Variants in CDH18 observed in about 807,000 individuals in gnomAD.
CDH18 encodes the protein cadherin 18.
A neutral mutation model predicts 67.9 loss-of-function variants in CDH18; 31 were observed. The observed-to-expected ratio is 0.46, with a 90% CI of 0.34 to 0.62. The LOEUF is 0.62. Ranked by LOEUF, CDH18 falls within the 20% of genes least tolerant of loss-of-function variation. CDH18 has a pLI of 0.01. For missense variants in CDH18, 890 were observed against 975.5 expected (o/e 0.91, Z 1.17); for synonymous variants, 362 against 347.2 (o/e 1.04, Z -0.48).
intron 5 of CDH18, among the ~76,000 whole-genome samples, chr5:19,631,804 T>C (rs1752455513): frequency 6.6e-6 from 1 of 152,152 alleles, no homozygotes; most frequent in Non-Finnish European, 1.5e-5. Flanking sequence ...TTTCCTTTAT[T>C]ATTTGGAAGG....
chr5:20,464,831 G>T (rs766486080), intron 1 of CDH18, among the ~76,000 whole-genome samples: 15 of 152,078 alleles, frequency 9.9e-5, no homozygotes, highest in Admixed American at 9.8e-4. Flanking sequence ...AAATAGCTGT[G>T]TTACTATGCA....
chr5:20,131,680 C>A (rs556631311), intron 2 of CDH18, among the ~76,000 whole-genome samples: 111 of 152,208 alleles, frequency 7.3e-4, no homozygotes, highest in African/African-American at 2.6e-3. Flanking sequence ...TTAGACTTTG[C>A]AGTTTCATTT....
At chr5:19,537,029 T>A (rs570545749) in intron 9 of CDH18, among the ~76,000 whole-genome samples, 1 of 152,338 alleles carries the variant, frequency 6.6e-6, no homozygotes, top group Admixed American at 6.5e-5. Flanking sequence ...ATGTGTGGAC[T>A]TGATTGAGCC....
chr5:19,770,784 G>C (rs1033379135), intron 3 of CDH18, among the ~76,000 whole-genome samples: 28 of 152,108 alleles, frequency 1.8e-4, no homozygotes, highest in Non-Finnish European at 3.2e-4. Context: ...CTGCCATTTT[G>C]CTGTTTTTGA....
intron 4 of CDH18, among the ~76,000 whole-genome samples, chr5:19,733,477 T>C (rs753845114): frequency 6.6e-6 from 1 of 152,158 alleles, no homozygotes; most frequent in Non-Finnish European, 1.5e-5. Flanking sequence ...TCTTCTCCGC[T>C]GAGAGCTGTT....
chr5:20,074,019 G>A (rs544963183), intron 2 of CDH18, among the ~76,000 whole-genome samples: 15 of 152,032 alleles, frequency 9.9e-5, no homozygotes, highest in South Asian at 8.3e-4. Flanking sequence ...TTTTCTTTAC[G>A]TAATCAGAAA....
chr5:20,479,611 A>G (rs909180702), intron 1 of CDH18, among the ~76,000 whole-genome samples: 1 of 152,112 alleles, frequency 6.6e-6, no homozygotes, highest in African/African-American at 2.4e-5. Flanking sequence ...AAGCATGACT[A>G]CAAGATCTAG....
chr5:20,058,245 A>G (rs1439771893), intron 2 of CDH18, among the ~76,000 whole-genome samples: 3 of 152,196 alleles, frequency 2.0e-5, no homozygotes, highest in Non-Finnish European at 4.4e-5. Context: ...AGAAACAAAT[A>G]TACAAGTCAT....
chr5:20,359,087 A>G (rs1045831216), intron 1 of CDH18, among the ~76,000 whole-genome samples: 9 of 151,948 alleles, frequency 5.9e-5, no homozygotes, highest in Non-Finnish European at 1.3e-4. Flanking sequence ...GTGTGCCACC[A>G]TGCCTAGCTA....
intron 5 of CDH18, among the ~76,000 whole-genome samples, chr5:19,694,486 CT>C: frequency 6.6e-6 from 1 of 152,106 alleles, no homozygotes; most frequent in East Asian, 1.9e-4. Flanking sequence ...TTGGACATGT[CT>C]TAAATCACAC....
At position 19,498,595 on chromosome 5, in the gene CDH18, T is replaced by A. The variant is rs1003632229; in HGVS notation, c.1630+4397A>T. ...AAAAAGTTAGTTTCGCTATCTTCCA[T>A]TGAAATTATGATTGATTTTTTAAAG... On this transcript the variant is annotated intron_variant, in intron 11 of 12. Coordinates refer to ENST00000382275, the MANE Select transcript of CDH18 (RefSeq NM_004934.5). Among the ~76,000 whole-genome samples, 25 of 152,204 alleles carry A rather than the reference T, an allele frequency of 1.6e-4. 1 individual carries two copies. Among genetic ancestry groups the A allele is most frequent in the Admixed American group, 1.4e-3 (22 of 15,272 alleles).
chr5:20,339,676 A>G (rs1370530345), intron 1 of CDH18, among the ~76,000 whole-genome samples: 2 of 152,168 alleles, frequency 1.3e-5, no homozygotes, highest in South Asian at 4.1e-4. Flanking sequence ...ATGCCCCTAG[A>G]AAAGATGCCT....
chr5:20,379,098 T>C (rs1250802603), intron 1 of CDH18, among the ~76,000 whole-genome samples: 1 of 152,114 alleles, frequency 6.6e-6, no homozygotes, highest in Non-Finnish European at 1.5e-5. Context: ...TAATTTTGAA[T>C]ATACATTCAA....
intron 11 of CDH18, among the ~76,000 whole-genome samples, chr5:19,489,189 T>G (rs1238323250): frequency 6.6e-6 from 1 of 152,142 alleles, no homozygotes; most frequent in East Asian, 1.9e-4. Flanking sequence ...ATAAATGTAC[T>G]TATTTTATAA....
chr5:20,357,188 A>G (rs1300546616), intron 1 of CDH18, among the ~76,000 whole-genome samples: 2 of 152,102 alleles, frequency 1.3e-5, no homozygotes, highest in Non-Finnish European at 2.9e-5. Flanking sequence ...ACTTAACATT[A>G]AGAAAAAAGA....
At chr5:20,522,578 T>G (rs1193517509) in intron 1 of CDH18, among the ~76,000 whole-genome samples, 1 of 152,140 alleles carries the variant, frequency 6.6e-6, no homozygotes, top group African/African-American at 2.4e-5. Flanking sequence ...GAATTTCTTT[T>G]CAGTTGAATG....
chr5:19,714,506 G>A (rs1188463129), intron 5 of CDH18, among the ~76,000 whole-genome samples: 1 of 133,424 alleles, frequency 7.5e-6, no homozygotes, highest in Non-Finnish European at 1.5e-5. Context: ...AGTAGACAAA[G>A]TGAGATTTTT....
intron 3 of CDH18, among the ~76,000 whole-genome samples, chr5:19,760,991 A>C (rs1772263137): frequency 6.6e-6 from 1 of 152,114 alleles, no homozygotes; most frequent in Non-Finnish European, 1.5e-5. Flanking sequence ...TATTCACCAG[A>C]GTTTACAAAC....
chr5:19,680,275 C>T (rs1240106318), intron 5 of CDH18, among the ~76,000 whole-genome samples: 5 of 151,914 alleles, frequency 3.3e-5, no homozygotes, highest in Admixed American at 2.0e-4. Context: ...AAAAAATCAA[C>T]TCAAGATGAA....
Sources: allele counts gnomAD v4.1 joint callset (sites outside exome capture counted in the v4.1 genomes callset), GRCh38; gene constraint gnomAD v4.1.1; transcripts MANE v1.5; gene names NCBI Gene and HGNC (gene_info 2026-07-23, HGNC 2026-07-21).